BMPER: variants seen among roughly 807,000 people sequenced by gnomAD.
BMPER encodes BMP binding endothelial regulator, also known as BMP-binding endothelial regulator protein.
Under a neutral mutation model 87.3 loss-of-function variants are expected in BMPER, and 45 were observed. The observed-to-expected ratio is 0.52, with a 90% CI of 0.41 to 0.66. The LOEUF is 0.66. Ranked by LOEUF, BMPER falls within the 30% of genes least tolerant of loss-of-function variation. The probability of loss-of-function intolerance (pLI) is 0.00; values close to 1 mark genes in which losing one functional copy is unlikely to be tolerated. For synonymous variants in BMPER, 326 were observed against 316.2 expected (o/e 1.03, Z -0.33); for missense variants, 784 against 867.5 (o/e 0.90, Z 1.21).
At chr7:34,119,470 A>C (rs1158740760) in intron 13 of BMPER, among the ~76,000 whole-genome samples, 1 of 152,198 alleles carries the variant, frequency 6.6e-6, no homozygotes, top group Non-Finnish European at 1.5e-5. Flanking sequence ...AAAACATTTC[A>C]TCATGTTCTC....
intron 13 of BMPER, among the ~76,000 whole-genome samples, chr7:34,141,578 C>G (rs1447360361): frequency 4.9e-5 from 7 of 143,246 alleles, no homozygotes; most frequent in Non-Finnish European, 4.5e-5. Context: ...CCATTGCACT[C>G]CAGCCTGGGC....
intron 6 of BMPER, among the ~76,000 whole-genome samples, chr7:33,986,200 GTCT>G (rs1786007989): frequency 1.3e-5 from 2 of 152,128 alleles, no homozygotes; most frequent in South Asian, 4.1e-4. Flanking sequence ...AACCTCCCTA[GTCT>G]TCTCTCTTTC....
chr7:33,911,967 G>T (rs926009922), intron 2 of BMPER, among the ~76,000 whole-genome samples: 2 of 152,156 alleles, frequency 1.3e-5, no homozygotes, highest in African/African-American at 2.4e-5. Flanking sequence ...CCATTGTTAC[G>T]CATGAACAAG....
intron 14 of BMPER, among the ~76,000 whole-genome samples, chr7:34,152,083 G>GTTC (rs1299130975): frequency 6.6e-6 from 1 of 152,192 alleles, no homozygotes; most frequent in East Asian, 1.9e-4. Context: ...TGGCAAACCA[G>GTTC]TTCTATCTTT....
chr7:33,975,692 A>G (rs1030668940), intron 6 of BMPER, among the ~76,000 whole-genome samples: 2 of 152,204 alleles, frequency 1.3e-5, no homozygotes, highest in East Asian at 3.8e-4. Flanking sequence ...TACATTTTCC[A>G]AGTCACTTGT....
At position 34,139,211 on chromosome 7, in the gene BMPER, C is replaced by T. The variant is rs557185271; in HGVS notation, c.1746-4019C>T. Among the ~76,000 whole-genome samples, 155 of 152,320 alleles carry T rather than the reference C, an allele frequency of 1.0e-3. 2 individuals carry two copies. Among genetic ancestry groups the T allele is most frequent in the African/African-American group, 3.5e-3 (146 of 41,566 alleles). On this transcript the variant is annotated intron_variant, in intron 13 of 14. Coordinates refer to ENST00000649409, the MANE Select transcript of BMPER (RefSeq NM_001365308.1). ...CAAAATTATTCCATTATCTATTCCA[C>T]CACCACATTAGTAGACCAATGAAAT...
At chr7:33,957,024 G>A (rs1445361722) in intron 3 of BMPER, among the ~76,000 whole-genome samples, 1 of 152,118 alleles carries the variant, frequency 6.6e-6, no homozygotes, top group Non-Finnish European at 1.5e-5. Context: ...CTGGAAGTCA[G>A]TATGACAGTT....
chr7:33,986,850 A>G (rs1002181716), intron 6 of BMPER, among the ~76,000 whole-genome samples: 49 of 152,312 alleles, frequency 3.2e-4, no homozygotes, highest in African/African-American at 1.1e-3. Flanking sequence ...CTTTTTGTCC[A>G]TTATTAGCCA....
chr7:34,044,734 C>T (rs944801921), intron 6 of BMPER, among the ~76,000 whole-genome samples: 3 of 152,034 alleles, frequency 2.0e-5, no homozygotes, highest in East Asian at 1.9e-4. Context: ...GGTATTTTCG[C>T]ATGTTCTCTA....
At chr7:34,117,108 G>A (rs1187067732) in intron 13 of BMPER, among the ~76,000 whole-genome samples, 2 of 152,262 alleles carry the variant, frequency 1.3e-5, no homozygotes, top group South Asian at 4.1e-4. Context: ...GAGGGGCAGA[G>A]TCTTAAGAAA....
At chr7:33,915,274 T>C (rs184100870) in intron 2 of BMPER, among the ~76,000 whole-genome samples, 1 of 152,324 alleles carries the variant, frequency 6.6e-6, no homozygotes, top group Non-Finnish European at 1.5e-5. Flanking sequence ...CATTGAGGGA[T>C]TTTTTATTAG....
intron 2 of BMPER, among the ~76,000 whole-genome samples, chr7:33,925,580 A>G (rs1002469166): frequency 6.6e-6 from 1 of 152,234 alleles, no homozygotes; most frequent in Non-Finnish European, 1.5e-5. Flanking sequence ...AAAATCCAGT[A>G]TGTTATGTTT....
chr7:34,085,134 G>GT (rs1789165333), intron 12 of BMPER, among the ~76,000 whole-genome samples: 1 of 152,152 alleles, frequency 6.6e-6, no homozygotes, highest in Admixed American at 6.5e-5. Flanking sequence ...CCCAAGAAAT[G>GT]TTAATCAAAC....
At chr7:34,022,580 T>C (rs1172405050) in intron 6 of BMPER, among the ~76,000 whole-genome samples, 1 of 151,830 alleles carries the variant, frequency 6.6e-6, no homozygotes, top group East Asian at 1.9e-4. Context: ...AATGAACCCC[T>C]GTTACAGGCA....
At chr7:34,090,075 T>C (rs923029332) in intron 13 of BMPER, among the ~76,000 whole-genome samples, 3 of 152,232 alleles carry the variant, frequency 2.0e-5, no homozygotes, top group Non-Finnish European at 2.9e-5. Context: ...TGAATATGTT[T>C]GGGTGCAAAA....
At chr7:33,925,266 C>T (rs1176830444) in intron 2 of BMPER, among the ~76,000 whole-genome samples, 1 of 152,116 alleles carries the variant, frequency 6.6e-6, no homozygotes, top group Non-Finnish European at 1.5e-5. Flanking sequence ...ATTTCTCTTC[C>T]CCAAAATAAA....
At chr7:34,024,405 A>AC (rs1787300440) in intron 6 of BMPER, among the ~76,000 whole-genome samples, 1 of 46,162 alleles carries the variant, frequency 2.2e-5, no homozygotes, top group African/African-American at 9.1e-5. Flanking sequence ...ATATATATAT[A>AC]TATATATATA....
At chr7:33,976,243 C>T (rs906712893) in intron 6 of BMPER, among the ~76,000 whole-genome samples, 1 of 152,134 alleles carries the variant, frequency 6.6e-6, no homozygotes, top group Non-Finnish European at 1.5e-5. Context: ...GCCTCTGACT[C>T]CCAGGTTCAA....
chr7:34,068,193 C>T (rs1036766763), intron 11 of BMPER, among the ~76,000 whole-genome samples: 1 of 152,166 alleles, frequency 6.6e-6, no homozygotes, highest in African/African-American at 2.4e-5. Flanking sequence ...GCTGTTAGCT[C>T]CATTTTACAG....
Sources: gnomAD v4.1 joint callset for allele counts (sites outside exome capture counted in the v4.1 genomes callset) on GRCh38, gnomAD v4.1.1 for gene constraint, MANE v1.5 for transcripts, NCBI Gene and HGNC (gene_info 2026-07-23, HGNC 2026-07-21) for gene names.